The following PSME4 variants were observed in gnomAD, a reference collection of about 807,000 sequenced individuals.
PSME4 encodes the protein proteasome activator subunit 4.
A neutral mutation model predicts 253.9 loss-of-function variants in PSME4; 89 were observed. That is an observed-to-expected ratio of 0.35 (90% confidence interval 0.30 to 0.42). The LOEUF is 0.42. Among genes scored for constraint, PSME4 ranks in the 10% least tolerant of loss-of-function variants. The pLI is 1.00. For missense variants in PSME4, 2,014 were observed against 2,195.2 expected (o/e 0.92, Z 1.65); for synonymous variants, 851 against 759.2 (o/e 1.12, Z -1.99).
At chr2:53,929,986 C>A (rs1260972017) in intron 10 of PSME4, among the ~76,000 whole-genome samples, 2 of 151,666 alleles carry the variant, frequency 1.3e-5, no homozygotes, top group African/African-American at 2.4e-5. Flanking sequence ...TCACTGCACT[C>A]CAGCCTGGGC....
At position 53,936,746 on chromosome 2, in the gene PSME4, G is replaced by C. The variant is rs756682040; in HGVS notation, c.759+18C>G. 6.5e-7 allele frequency: 1 copy of C among 1,535,306 alleles called. No homozygotes were observed. The highest frequency in any genetic ancestry group is 8.8e-7 in the Non-Finnish European group (1 of 1,139,582). ...AAAAAAACTATAGGGGGGAAGAAAG[G>C]GAAAAAGGGATACTTACCCCCTCCC... On this transcript the variant is annotated intron_variant, in intron 6 of 46. Coordinates refer to ENST00000404125, the MANE Select transcript of PSME4 (RefSeq NM_014614.3).
chr2:53,934,614 G>A lies in PSME4; in HGVS notation c.948C>T (p.Thr316=), dbSNP rs761792864. 64 of 1,609,334 alleles carry A rather than the reference G, an allele frequency of 4.0e-5. No homozygotes were observed. The highest frequency in any genetic ancestry group is 6.7e-5 in the East Asian group (3 of 44,818). ...YDIGHAVIWI[T]AMMGGPSKLV... ...ATAATGTATTACAAACCATCATGGC[G>A]GTGATCCATATTACAGCATGTCCTA... is the stretch of plus-strand genomic sequence containing the variant. The change falls in exon 8 of 47, where the codon ACC becomes ACT. Residue 316 remains threonine (T), a synonymous_variant. Transcript: ENST00000404125.
At chr2:53,958,777 A>C (rs1007011040) in intron 1 of PSME4, among the ~76,000 whole-genome samples, 9 of 152,008 alleles carry the variant, frequency 5.9e-5, no homozygotes, top group African/African-American at 2.2e-4. Context: ...TAAAAAAAAA[A>C]CACTTTTAGA....
chr2:53,932,128 AGTAG>A (rs1668860471), intron 9 of PSME4, 28 bp from the exon 10 acceptor site: 5 of 1,602,182 alleles, frequency 3.1e-6, no homozygotes, highest in African/African-American at 1.3e-5. Flanking sequence ...AAAAGTTCTA[AGTAG>A]GTTCTACTTT....
At chr2:53,947,616 G>A (rs1669780128) in intron 3 of PSME4, among the ~76,000 whole-genome samples, 1 of 152,168 alleles carries the variant, frequency 6.6e-6, no homozygotes, top group African/African-American at 2.4e-5. Flanking sequence ...TGAGGCAGGA[G>A]AACGGCATGA....
Position 53,906,580 on chromosome 2 carries a change from C to G in PSME4, c.2943+18G>C. The G allele has an allele frequency of 6.6e-7, 1 of 1,525,266 alleles. No individual in the cohort carries two copies. The highest frequency in any genetic ancestry group is 8.8e-7 in the Non-Finnish European group (1 of 1,138,860). The allele number at this position is 1,525,266 out of a possible 1,614,324, so 94.5% of individuals were successfully genotyped here. A position where few individuals can be genotyped will look rare whatever the true frequency, so the allele number is the denominator to read the frequency against. On this transcript the variant is annotated intron_variant, in intron 26 of 46. Coordinates refer to ENST00000404125, the MANE Select transcript of PSME4 (RefSeq NM_014614.3). ...AAAATGGGAGGGCATGAGAGTGCAGCGTTTGGATAAGCCTTACCTGACTGT... is the reference window on the plus strand; with the variant it reads ...AAAATGGGAGGGCATGAGAGTGCAGGGTTTGGATAAGCCTTACCTGACTGT...
At chr2:53,962,138 C>T (rs1670521136) in intron 1 of PSME4, among the ~76,000 whole-genome samples, 4 of 152,266 alleles carry the variant, frequency 2.6e-5, no homozygotes, top group African/African-American at 7.2e-5. Context: ...ACATAAAGTA[C>T]ATTGATTTCT....
chr2:53,890,334 T>C, intron 36 of PSME4, 126 bp from the exon 37 acceptor site: 1 of 661,680 alleles, frequency 1.5e-6, no homozygotes, highest in South Asian at 1.9e-5. Context: ...TGAGACATGG[T>C]CTCATGCTAT....
chr2:53,911,026 T>A (rs1558675424), intron 20 of PSME4, among the ~76,000 whole-genome samples: 1 of 152,216 alleles, frequency 6.6e-6, no homozygotes, highest in Non-Finnish European at 1.5e-5. Flanking sequence ...ATACTATTTT[T>A]AAATCAACAC....
intron 1 of PSME4, among the ~76,000 whole-genome samples, chr2:53,955,909 G>GA (rs1266634344): frequency 6.6e-6 from 1 of 151,940 alleles, no homozygotes; most frequent in Non-Finnish European, 1.5e-5. Flanking sequence ...GCAACAGTGA[G>GA]ACCTTAGTCC....
chr2:53,916,880 G>A (rs1668086177), intron 20 of PSME4, among the ~76,000 whole-genome samples: 1 of 152,010 alleles, frequency 6.6e-6, no homozygotes, highest in African/African-American at 2.4e-5. Context: ...GTCAAAGGAA[G>A]ACGGAAAACT....
At chr2:53,916,047 C>T (rs574985789) in intron 20 of PSME4, among the ~76,000 whole-genome samples, 4 of 152,052 alleles carry the variant, frequency 2.6e-5, no homozygotes, top group African/African-American at 7.2e-5. Flanking sequence ...TGTACTCTAG[C>T]CTGGGTGACA....
In PSME4 at chr2:53,908,398, T is replaced by C. The variant is rs146297038; in HGVS notation, c.2706A>G (p.Gln902=). 24 of 1,613,152 alleles carry C rather than the reference T, an allele frequency of 1.5e-5. No individual in the cohort carries two copies. Among genetic ancestry groups the C allele is most frequent in the Middle Eastern group, 1.6e-4 (1 of 6,076 alleles). The change falls in exon 24 of 47, where the codon CAA becomes CAG. Residue 902 remains glutamine (Q), a synonymous_variant. Coordinates refer to ENST00000404125, the MANE Select transcript of PSME4 (RefSeq NM_014614.3). ...LIIKIIGDLL[Q]FQGSHKHEFD... ...ATTCATGCTTGTGAGATCCTTGGAATTGTAAAAGGTCTCCAATAATCTGTG... is the reference window on the plus strand; with the variant it reads ...ATTCATGCTTGTGAGATCCTTGGAACTGTAAAAGGTCTCCAATAATCTGTG...
chr2:53,886,806 C>A (rs1330191297), intron 40 of PSME4, among the ~76,000 whole-genome samples: 2 of 152,080 alleles, frequency 1.3e-5, no homozygotes, highest in Admixed American at 6.5e-5. Context: ...ACCCAAATAT[C>A]CAGCAAACAG....
In PSME4 at chr2:53,923,913, C is replaced by CAAAAA. The variant is rs199929436; in HGVS notation, c.1810-499_1810-495dup. Among the ~76,000 whole-genome samples the CAAAAA allele has an allele frequency of 9.6e-4, 93 of 96,860 alleles. 1 individual carries two copies. The highest frequency in any genetic ancestry group is 2.0e-3 in the East Asian group (8 of 3,952). The allele number at this position is 96,860 out of a possible 152,430, so 63.5% of individuals were successfully genotyped here. Reference sequence around the variant, plus strand: ...ACTCCAGCCCAGGTGACAGAGTTAACAAAAAAAAAAAAAAAAAAAAAAAAA... The same window carrying CAAAAA: ...ACTCCAGCCCAGGTGACAGAGTTAACAAAAAAAAAAAAAAAAAAAAAAAAAAAAAA... On this transcript the variant is annotated intron_variant, in intron 14 of 46. Coordinates refer to ENST00000404125, the MANE Select transcript of PSME4 (RefSeq NM_014614.3).
intron 11 of PSME4, among the ~76,000 whole-genome samples, chr2:53,927,734 G>C (rs1025131586): frequency 6.6e-6 from 1 of 152,024 alleles, no homozygotes; most frequent in Non-Finnish European, 1.5e-5. Context: ...ATCACTTAAG[G>C]CCAGGAGTTC....
chr2:53,951,003 C>T (rs1005408630), intron 1 of PSME4, among the ~76,000 whole-genome samples: 4 of 152,056 alleles, frequency 2.6e-5, no homozygotes, highest in Non-Finnish European at 5.9e-5. Flanking sequence ...TGTAAGTCAA[C>T]GGGAAAAAGA....
chr2:53,903,903 C>G, intron 27 of PSME4, 122 bp downstream of exon 27: 1 of 801,052 alleles, frequency 1.2e-6, no homozygotes, highest in Non-Finnish European at 1.9e-6. Flanking sequence ...AAAGCAAATA[C>G]AGCAAAATCT....
chr2:53,886,093 T>C (rs1025681112), intron 40 of PSME4, among the ~76,000 whole-genome samples: 1 of 152,068 alleles, frequency 6.6e-6, no homozygotes, highest in African/African-American at 2.4e-5. Context: ...GAACTAAAAC[T>C]CAAAAACAAC....
Sources: allele counts gnomAD v4.1 joint callset (sites outside exome capture counted in the v4.1 genomes callset), GRCh38; gene constraint gnomAD v4.1.1; transcripts MANE v1.5; gene names NCBI Gene and HGNC (gene_info 2026-07-23, HGNC 2026-07-21).